POSTN: variants seen among roughly 807,000 people sequenced by gnomAD.
The protein encoded by POSTN is osteoblast specific factor 2 (fasciclin I-like).
In POSTN, 71 loss-of-function variants were observed where a neutral mutation model predicts 104.5. The ratio of observed to expected loss-of-function variants is 0.68; its 90% CI spans 0.56 to 0.83. The LOEUF (loss-of-function observed/expected upper bound fraction) is 0.83, where lower values mean the gene tolerates loss of function less well. POSTN is among the 40% of genes least tolerant of loss of function. POSTN has a pLI of 0.00. For synonymous variants in POSTN, 355 were observed against 340.7 expected (o/e 1.04, Z -0.46); for missense variants, 949 against 1,006.8 (o/e 0.94, Z 0.78).
chr13:37,589,860 G>A (rs1482570422), intron 4 of POSTN, among the ~76,000 whole-genome samples: 1 of 151,928 alleles, frequency 6.6e-6, no homozygotes, highest in African/African-American at 2.4e-5. Flanking sequence ...ATTAGACTGT[G>A]CACAAAAGTC....
At position 37,582,579 on chromosome 13, in the gene POSTN, A is replaced by G. The variant is rs1950626430; in HGVS notation, c.1244-65T>C. On this transcript the variant is annotated intron_variant, in intron 9 of 22. Transcript: ENST00000379747. ...AGAAAACATTGAAGTTTCTCCCGGT[A>G]AGACAGAATCATATAAACAGATAAT... 8.6e-6 allele frequency: 12 copies of G among 1,398,626 alleles called. No individual in the cohort carries two copies. In the South Asian group the frequency reaches 1.7e-4, roughly 20 times the overall value. The allele number at this position is 1,398,626 out of a possible 1,614,324, so 86.6% of individuals were successfully genotyped here.
chr13:37,572,106 T>A (rs1950277137), intron 17 of POSTN, among the ~76,000 whole-genome samples: 1 of 151,668 alleles, frequency 6.6e-6, no homozygotes, highest in Non-Finnish European at 1.5e-5. Context: ...GCATTTGACT[T>A]GCAAAATGAT....
chr13:37,584,590 T>TTAGTAA (rs1236913920), intron 8 of POSTN, 126 bp downstream of exon 8: 1 of 759,838 alleles, frequency 1.3e-6, no homozygotes, highest in Non-Finnish European at 2.1e-6. Flanking sequence ...ATTTATTGTG[T>TTAGTAA]TAGTGCTTTG....
chr13:37,590,252 T>A (rs746465719), intron 4 of POSTN, 120 bp downstream of exon 4: 4 of 712,106 alleles, frequency 5.6e-6, no homozygotes, highest in Non-Finnish European at 8.6e-6. Context: ...CTTTAGGTAT[T>A]CTCATATATG....
chr13:37,584,087 C>A lies in POSTN; in HGVS notation c.1125G>T (p.Glu375Asp), dbSNP rs1345820093. The A allele has an allele frequency of 1.9e-6, 3 of 1,613,800 alleles. No individual in the cohort carries two copies. Among genetic ancestry groups the A allele is most frequent in the Non-Finnish European group, 1.7e-6 (2 of 1,179,890 alleles). Residue 375 changes from glutamate (E) to aspartate (D), a missense_variant, in exon 9 of 23, where the codon GAG becomes GAT. By Grantham distance (45) the Glu-to-Asp change is conservative. Transcript: ENST00000379747. ...LIPDSAKQVI[E>D]LAGKQQTTFT... ...AGGTGGTTTGCTGTTTTCCAGCCAGCTCAATAACTTGTTTGGCTGAAAAAT... is the reference window on the plus strand; with the variant it reads ...AGGTGGTTTGCTGTTTTCCAGCCAGATCAATAACTTGTTTGGCTGAAAAAT...
intron 21 of POSTN, among the ~76,000 whole-genome samples, chr13:37,568,310 C>G (rs1482937674): frequency 6.6e-6 from 1 of 151,880 alleles, no homozygotes. Context: ...AGAGATTTTA[C>G]GTTTATTAAA....
At position 37,586,159 on chromosome 13, in the gene POSTN, C is replaced by T. The variant is rs1950737900; in HGVS notation, c.875G>A (p.Gly292Glu). 1 of 1,612,578 alleles carries T rather than the reference C, an allele frequency of 6.2e-7. No individual in the cohort carries two copies. The highest frequency in any genetic ancestry group is 8.5e-7 in the Non-Finnish European group (1 of 1,179,106). ...LPRGVLERIMGDKVASEALMK... is the reference protein window; with the variant it reads ...LPRGVLERIMEDKVASEALMK... ...ACTACCTTCGGAAGCCACTTTGTCT[C>T]CCATGATCCTTTCTAGGACACCTCG... Residue 292 changes from glycine to glutamate, a missense_variant, in exon 7 of 23, where the codon GGA becomes GAA. Gly to Glu is a moderately conservative substitution (Grantham distance 98). Coordinates refer to ENST00000379747, the MANE Select transcript of POSTN (RefSeq NM_006475.3).
chr13:37,570,645 T>C lies in POSTN; in HGVS notation c.2204A>G (p.Lys735Arg), dbSNP rs139812254. 1.5e-5 allele frequency: 24 copies of C among 1,607,848 alleles called. No individual in the cohort carries two copies. The highest frequency in any genetic ancestry group is 2.0e-5 in the Non-Finnish European group (23 of 1,174,886). Reference protein sequence around the residue: ...HGEPIIKKYTKIIDGVPVEIT... With the variant: ...HGEPIIKKYTRIIDGVPVEIT... ...TTCCACAGGCACTCCATCAATGATT[T>C]TGGTGTATTTTTTAATAATTGGCTC... The change falls in exon 19 of 23, where the codon AAA becomes AGA. Residue 735 changes from lysine to arginine, a missense_variant. Physicochemically the swap from Lys to Arg is conservative, Grantham distance 26. Coordinates refer to ENST00000379747, the MANE Select transcript of POSTN (RefSeq NM_006475.3).
At chr13:37,592,074 T>G in intron 3 of POSTN, 26 bp downstream of exon 3, 2 of 1,543,250 alleles carry the variant, frequency 1.3e-6, no homozygotes, top group Non-Finnish European at 1.8e-6. Flanking sequence ...TAATTCCTTA[T>G]TTAATTCAAA....
intron 12 of POSTN, 21 bp downstream of exon 12, chr13:37,579,840 C>T: frequency 6.2e-7 from 1 of 1,602,976 alleles, no homozygotes; most frequent in Non-Finnish European, 8.5e-7. Context: ...GGGAAAATAT[C>T]TGGAATTCAC....
At chr13:37,590,597 A>G in intron 3 of POSTN, 68 bp from the exon 4 acceptor site, 1 of 1,313,492 alleles carries the variant, frequency 7.6e-7, no homozygotes, top group Non-Finnish European at 1.0e-6. Flanking sequence ...TAATCATTTA[A>G]ACTTTATGCT....
At chr13:37,564,673 G>A (rs1950037684) in intron 21 of POSTN, 113 bp from the exon 22 acceptor site, 4 of 526,344 alleles carry the variant, frequency 7.6e-6, no homozygotes, top group East Asian at 3.1e-5. Flanking sequence ...ACTTAAACAC[G>A]AAGATTATTT....
chr13:37,595,631 A>G (rs911630596), intron 2 of POSTN, among the ~76,000 whole-genome samples: 1 of 152,132 alleles, frequency 6.6e-6, no homozygotes, highest in Admixed American at 6.5e-5. Context: ...TCCTGTCTAC[A>G]TCTATGCATT....
chr13:37,595,014 T>TAA (rs1157304869), intron 2 of POSTN, among the ~76,000 whole-genome samples: 3 of 136,590 alleles, frequency 2.2e-5, no homozygotes, highest in South Asian at 4.6e-4. Flanking sequence ...CATTTCTGGT[T>TAA]AAAAAAAAAA....
chr13:37,571,356 A>G lies in POSTN; in HGVS notation c.2179+13T>C. 6.4e-7 allele frequency: 1 copy of G among 1,564,640 alleles called. No individual in the cohort carries two copies. The highest frequency in any genetic ancestry group is 8.8e-7 in the Non-Finnish European group (1 of 1,140,450). Reference sequence around the variant, plus strand: ...GCGAAGGTAGTCGGCCCCAGGTAACATAAGGAACGCACCTCCATGGATCAC... The same window carrying G: ...GCGAAGGTAGTCGGCCCCAGGTAACGTAAGGAACGCACCTCCATGGATCAC... On this transcript the variant is annotated intron_variant, in intron 18 of 22. Transcript: ENST00000379747.
At chr13:37,572,829 C>G (rs73452550) in intron 17 of POSTN, among the ~76,000 whole-genome samples, 27,439 of 151,482 alleles carry the variant, frequency 0.18, 4,711 homozygotes, top group African/African-American at 0.45. Context: ...TGTAATTGTT[C>G]AAATAGTAAG....
intron 17 of POSTN, among the ~76,000 whole-genome samples, chr13:37,572,873 C>T (rs1366466718): frequency 6.6e-6 from 1 of 151,472 alleles, no homozygotes; most frequent in Non-Finnish European, 1.5e-5. Flanking sequence ...GGAAGCTGGA[C>T]CATTGTAAAT....
At chr13:37,586,345 C>T in intron 6 of POSTN, 65 bp from the exon 7 acceptor site, 1 of 1,526,010 alleles carries the variant, frequency 6.6e-7, no homozygotes, top group Non-Finnish European at 8.9e-7. Flanking sequence ...TTGCAACACA[C>T]TTAGCCTAGG....
chr13:37,577,507 C>T (rs796081660), intron 16 of POSTN, among the ~76,000 whole-genome samples: 8 of 152,256 alleles, frequency 5.3e-5, no homozygotes, highest in African/African-American at 1.9e-4. Context: ...CTTTGCCACG[C>T]TAATATTATA....
Sources: allele counts gnomAD v4.1 joint callset (sites outside exome capture counted in the v4.1 genomes callset), GRCh38; gene constraint gnomAD v4.1.1; transcripts MANE v1.5; gene names NCBI Gene and HGNC (gene_info 2026-07-23, HGNC 2026-07-21).